TENM2: variants seen among roughly 807,000 people sequenced by gnomAD.
TENM2 encodes the protein teneurin transmembrane protein 2, also known as teneurin-2.
A neutral mutation model predicts 245.2 loss-of-function variants in TENM2; 52 were observed. That is an observed-to-expected ratio of 0.21 (90% CI 0.17 to 0.27). TENM2 has a LOEUF of 0.27. TENM2 is among the 10% of genes least tolerant of loss of function. The pLI, the probability that TENM2 is intolerant of heterozygous loss-of-function variation, is 1.00. For synonymous variants in TENM2, 1,363 were observed against 1,438.9 expected, an observed-to-expected ratio of 0.95 and a Z score of 1.19; for missense variants, 3,046 against 3,666.8, an observed-to-expected ratio of 0.83 and a Z score of 4.37.
At chr5:167,474,153 T>G (rs1234802756) in intron 2 of TENM2, among the ~76,000 whole-genome samples, 1 of 144,474 alleles carries the variant, frequency 6.9e-6, no homozygotes, top group Non-Finnish European at 1.6e-5. Flanking sequence ...TTATGAAAAC[T>G]TTTAGAGATG....
chr5:167,510,128 T>C (rs1035437424), intron 2 of TENM2, among the ~76,000 whole-genome samples: 5 of 152,220 alleles, frequency 3.3e-5, no homozygotes, highest in Non-Finnish European at 7.3e-5. Context: ...ATTCGTTCAA[T>C]TGAATTTGAC....
rs1766985743 is a variant in TENM2, at chr5:167,470,933, T to C, written c.502+95460T>C. 2.6e-5 allele frequency among the ~76,000 whole-genome samples: 4 copies of C among 152,310 alleles called. No individual in the cohort carries two copies. The South Asian group carries it at 8.3e-4, about 32-fold the overall frequency. On this transcript the variant is annotated intron_variant, in intron 2 of 28. Coordinates refer to ENST00000518659, the Ensembl canonical transcript of TENM2. ...GAAATTTGATGAAAGAGCAATTGAA[T>C]GATAGCCAAAGGGTCTGTGTTCTTT...
intron 5 of TENM2, among the ~76,000 whole-genome samples, chr5:168,028,326 C>G (rs73803840): frequency 6.6e-6 from 1 of 152,264 alleles, no homozygotes; most frequent in Non-Finnish European, 1.5e-5. Context: ...GCTTTACACA[C>G]GAGACAGCCA....
At chr5:167,242,040 TTTTTTG>T in the TENM2 span, among the ~76,000 whole-genome samples, 1 of 148,254 alleles carries the variant, frequency 6.7e-6, no homozygotes, top group Non-Finnish European at 1.5e-5. Flanking sequence ...TCTTTTTTTG[TTTTTTG>T]TTTTTTTTTT....
At chr5:168,006,442 C>G (rs1398934629) in intron 5 of TENM2, among the ~76,000 whole-genome samples, 2 of 152,132 alleles carry the variant, frequency 1.3e-5, no homozygotes. Context: ...GGCTTTAATG[C>G]CTTCGAATGC....
intron 2 of TENM2, among the ~76,000 whole-genome samples, chr5:167,680,394 G>C (rs1756626519): frequency 6.6e-6 from 1 of 152,076 alleles, no homozygotes; most frequent in Non-Finnish European, 1.5e-5. Context: ...GCAAATGAAG[G>C]AGTGGTGGTT....
At chr5:167,108,157 G>A in the TENM2 span, among the ~76,000 whole-genome samples, 3 of 151,998 alleles carry the variant, frequency 2.0e-5, no homozygotes, top group Admixed American at 1.3e-4. Flanking sequence ...ACAGAGTCTC[G>A]CTCTGTCACC....
At chr5:167,732,616 G>A (rs745895884) in intron 2 of TENM2, among the ~76,000 whole-genome samples, 8 of 152,172 alleles carry the variant, frequency 5.3e-5, no homozygotes, top group Non-Finnish European at 1.2e-4. Context: ...TTGTGTTCTG[G>A]CTAGAAGTGT....
chr5:168,231,517 G>A (rs1474951496), intron 25 of TENM2, among the ~76,000 whole-genome samples: 1 of 152,176 alleles, frequency 6.6e-6, no homozygotes, highest in Non-Finnish European at 1.5e-5. Flanking sequence ...AAAGAACATG[G>A]TGCCAGGCTA....
the TENM2 span, among the ~76,000 whole-genome samples, chr5:167,158,852 C>CTTCCTTCT: frequency 1.2e-4 from 13 of 110,550 alleles, no homozygotes; most frequent in African/African-American, 4.6e-4. Context: ...GCAGCCCTTC[C>CTTCCTTCT]TTCCTTCCTT....
chr5:167,118,798 T>C, the TENM2 span, among the ~76,000 whole-genome samples: 1 of 152,130 alleles, frequency 6.6e-6, no homozygotes, highest in Non-Finnish European at 1.5e-5. Flanking sequence ...GTTCTGTGTA[T>C]CTTGCTTTGT....
At chr5:168,053,619 C>A (rs1789298484) in intron 6 of TENM2, among the ~76,000 whole-genome samples, 1 of 152,144 alleles carries the variant, frequency 6.6e-6, no homozygotes, top group African/African-American at 2.4e-5. Flanking sequence ...ATAGCATCTA[C>A]ATTGTATTAG....
At chr5:167,735,235 A>C (rs1056170418) in intron 2 of TENM2, among the ~76,000 whole-genome samples, 1 of 152,200 alleles carries the variant, frequency 6.6e-6, no homozygotes, top group Non-Finnish European at 1.5e-5. Context: ...TCCCATGTTG[A>C]AGTCTGAAAA....
intron 2 of TENM2, among the ~76,000 whole-genome samples, chr5:167,589,819 C>A (rs565919743): frequency 6.6e-6 from 1 of 151,842 alleles, no homozygotes; most frequent in Admixed American, 6.6e-5. Context: ...GTATGCCTTA[C>A]AAATTCCATG....
chr5:167,093,764 T>A, the TENM2 span, among the ~76,000 whole-genome samples: 1 of 152,114 alleles, frequency 6.6e-6, no homozygotes, highest in Non-Finnish European at 1.5e-5. Flanking sequence ...GGAAGAGGAT[T>A]TGGGTAGGTA....
intron 2 of TENM2, among the ~76,000 whole-genome samples, chr5:167,749,973 A>C (rs551025426): frequency 2.0e-5 from 3 of 152,236 alleles, no homozygotes; most frequent in Admixed American, 2.0e-4. Flanking sequence ...CCTCTTCACC[A>C]TCATCATCTC....
chr5:167,258,215 G>GTATATATATATATGTGTGTATATATA, the TENM2 span, among the ~76,000 whole-genome samples: 1 of 122,890 alleles, frequency 8.1e-6, no homozygotes, highest in African/African-American at 3.1e-5. Flanking sequence ...ATATATATAT[G>GTATATATATATATGTGTGTATATATA]TATATATATA....
chr5:167,420,547 A>AT, intron 2 of TENM2, among the ~76,000 whole-genome samples: 1 of 152,228 alleles, frequency 6.6e-6, no homozygotes, highest in South Asian at 2.1e-4. Context: ...CCCATTTCCA[A>AT]TTTAGGGAGT....
chr5:167,756,654 G>A (rs1306841483), intron 2 of TENM2, among the ~76,000 whole-genome samples: 1 of 152,158 alleles, frequency 6.6e-6, no homozygotes, highest in East Asian at 1.9e-4. Context: ...GAGGACAGAT[G>A]CCCTCATGGA....
Sources: allele counts gnomAD v4.1 joint callset (sites outside exome capture counted in the v4.1 genomes callset), GRCh38; gene constraint gnomAD v4.1.1; transcripts MANE v1.5; gene names NCBI Gene and HGNC (gene_info 2026-07-23, HGNC 2026-07-21).